The following TTLL5 variants were observed in gnomAD, a reference collection of about 807,000 sequenced individuals.
The protein encoded by TTLL5 is tubulin tyrosine ligase like 5.
In TTLL5, 132 loss-of-function variants were observed where a neutral mutation model predicts 168.4. The ratio of observed to expected loss-of-function variants is 0.78; its 90% CI spans 0.68 to 0.91. The LOEUF is 0.91. Among genes scored for constraint, TTLL5 ranks in the 40% least tolerant of loss-of-function variants. TTLL5 has a pLI of 0.00. For synonymous variants in TTLL5, 546 were observed against 558.6 expected (o/e 0.98, Z 0.32); for missense variants, 1,545 against 1,581.5 (o/e 0.98, Z 0.39).
In TTLL5 at chr14:75,882,681, G is replaced by A. The variant is rs756826932; in HGVS notation, c.3523-4G>A. On this transcript the variant is annotated splice_polypyrimidine_tract_variant and splice_region_variant and intron_variant, in intron 29 of 31. Transcript: ENST00000298832. ...CGATCATTTTTTTCCTTTTTTTTTT[G>A]TAGGCAATCTTTGGCAGCCAGACAC... is the stretch of plus-strand genomic sequence containing the variant. 1.4e-5 allele frequency: 21 copies of A among 1,537,144 alleles called. No individual in the cohort carries two copies. Among genetic ancestry groups the A allele is most frequent in the Non-Finnish European group, 1.8e-5 (21 of 1,142,510 alleles).
At chr14:75,662,456 C>G (rs1189763776) in intron 1 of TTLL5, among the ~76,000 whole-genome samples, 1 of 150,682 alleles carries the variant, frequency 6.6e-6, no homozygotes, top group Non-Finnish European at 1.5e-5. Context: ...TCCCGAGTAG[C>G]TGGGATTACA....
chr14:75,719,941 G>T (rs1400219158), intron 11 of TTLL5, 115 bp downstream of exon 11: 2 of 1,106,356 alleles, frequency 1.8e-6, no homozygotes, highest in Non-Finnish European at 2.7e-6. Context: ...CGGGATGATT[G>T]TCCTTGGTGT....
intron 31 of TTLL5, among the ~76,000 whole-genome samples, chr14:75,945,749 C>G (rs1018271492): frequency 6.6e-6 from 1 of 152,204 alleles, no homozygotes; most frequent in East Asian, 1.9e-4. Flanking sequence ...AAATTTTCCA[C>G]AACTAGTGAA....
intron 28 of TTLL5, among the ~76,000 whole-genome samples, chr14:75,822,820 G>T (rs954493769): frequency 6.6e-6 from 1 of 152,142 alleles, no homozygotes; most frequent in Non-Finnish European, 1.5e-5. Context: ...CAAATCCCTT[G>T]GTTCCTTTGG....
chr14:75,725,923 A>G (rs542259604), intron 12 of TTLL5, among the ~76,000 whole-genome samples: 2 of 152,296 alleles, frequency 1.3e-5, no homozygotes, highest in East Asian at 3.9e-4. Flanking sequence ...CTTTTTTCCA[A>G]AATTCTCCTT....
At chr14:75,704,975 T>C (rs901971255) in intron 7 of TTLL5, among the ~76,000 whole-genome samples, 1 of 152,110 alleles carries the variant, frequency 6.6e-6, no homozygotes, top group Non-Finnish European at 1.5e-5. Context: ...TGGAGAAAAG[T>C]TGGGTGAGTA....
rs756048011 is a variant in TTLL5, at chr14:75,764,633, G to A, written c.1569G>A (p.Ala523=). 4.9e-5 allele frequency: 79 copies of A among 1,613,876 alleles called. No homozygotes were observed. Among genetic ancestry groups the A allele is most frequent in the South Asian group, 3.2e-4 (29 of 91,060 alleles). Residue 523 remains alanine (A), a synonymous_variant, in exon 19 of 32, where the codon GCG becomes GCA. Coordinates refer to ENST00000298832, the MANE Select transcript of TTLL5 (RefSeq NM_015072.5). ...CCCCTAGAATGACTGCTGATGGAGC[G>A]CCAGAATTGAAGATAGAGAGTCTGA... ...LFQDRMTADG[A]PELKIESLNS... is the part of the protein sequence containing the mutation.
intron 3 of TTLL5, among the ~76,000 whole-genome samples, chr14:75,676,964 G>T (rs1185567413): frequency 6.6e-6 from 1 of 151,732 alleles, no homozygotes; most frequent in Non-Finnish European, 1.5e-5. Context: ...GTAGAGACAG[G>T]GTCTCCTATG....
At chr14:75,864,240 T>G (rs2030313105) in intron 29 of TTLL5, among the ~76,000 whole-genome samples, 1 of 152,264 alleles carries the variant, frequency 6.6e-6, no homozygotes, top group Non-Finnish European at 1.5e-5. Context: ...ATGTTCTACT[T>G]TCTTGCCTTG....
chr14:75,813,320 G>C (rs994748955), intron 27 of TTLL5, among the ~76,000 whole-genome samples: 15 of 142,744 alleles, frequency 1.1e-4, no homozygotes, highest in African/African-American at 3.9e-4. Flanking sequence ...GTGTGTGTTT[G>C]AGACAGCGTC....
At chr14:75,868,087 A>G (rs1430797262) in intron 29 of TTLL5, among the ~76,000 whole-genome samples, 1 of 152,126 alleles carries the variant, frequency 6.6e-6, no homozygotes, top group Non-Finnish European at 1.5e-5. Flanking sequence ...CATTGAGCTG[A>G]TGTTATTCTT....
chr14:75,711,429 A>G (rs1374361055), intron 9 of TTLL5: 1 of 152,226 alleles, frequency 6.6e-6, no homozygotes, highest in African/African-American at 2.4e-5. Flanking sequence ...CTTTAGGTGG[A>G]TCCAGTATTG....
intron 31 of TTLL5, among the ~76,000 whole-genome samples, chr14:75,948,684 TA>T (rs1353836120): frequency 6.6e-6 from 1 of 151,754 alleles, no homozygotes; most frequent in East Asian, 1.9e-4. Context: ...CCAAAAATAA[TA>T]ATAGCAATAA....
At chr14:75,831,659 G>A (rs1426316114) in intron 28 of TTLL5, among the ~76,000 whole-genome samples, 1 of 152,204 alleles carries the variant, frequency 6.6e-6, no homozygotes. Flanking sequence ...AGTGGGTGGG[G>A]TCCTGCCTGA....
intron 31 of TTLL5, among the ~76,000 whole-genome samples, chr14:75,923,600 T>C (rs1045785489): frequency 2.6e-5 from 4 of 152,248 alleles, no homozygotes; most frequent in African/African-American, 9.6e-5. Flanking sequence ...TCTGTTCTTT[T>C]ACATTTGCTG....
At chr14:75,714,106 C>T (rs917496618) in intron 9 of TTLL5, among the ~76,000 whole-genome samples, 2 of 152,068 alleles carry the variant, frequency 1.3e-5, no homozygotes, top group Non-Finnish European at 2.9e-5. Context: ...ACAGGCCAGT[C>T]ATTTTGTGGA....
At chr14:75,718,740 C>T (rs1008636916) in intron 10 of TTLL5, among the ~76,000 whole-genome samples, 1 of 152,160 alleles carries the variant, frequency 6.6e-6, no homozygotes, top group Non-Finnish European at 1.5e-5. Context: ...GAAGGGAGTA[C>T]TAGCCCAGCT....
intron 17 of TTLL5, among the ~76,000 whole-genome samples, chr14:75,750,448 C>T (rs1889878246): frequency 6.7e-6 from 1 of 149,990 alleles, no homozygotes; most frequent in South Asian, 2.2e-4. Flanking sequence ...TCTCTTCTAC[C>T]TCTGCCACCC....
chr14:75,730,782 C>A (rs1374134214), intron 12 of TTLL5, among the ~76,000 whole-genome samples: 1 of 151,568 alleles, frequency 6.6e-6, no homozygotes, highest in Admixed American at 6.6e-5. Flanking sequence ...TGCAGTGGTG[C>A]GGTCTCAGCT....
Sources: gnomAD v4.1 joint callset for allele counts (sites outside exome capture counted in the v4.1 genomes callset) on GRCh38, gnomAD v4.1.1 for gene constraint, MANE v1.5 for transcripts, NCBI Gene and HGNC (gene_info 2026-07-23, HGNC 2026-07-21) for gene names.